NATD1: variants seen among roughly 807,000 people sequenced by gnomAD.
NATD1 encodes protein NATD1.
NATD1 carries 9 observed loss-of-function variants against 12.0 expected under a neutral mutation model. That is an observed-to-expected ratio of 0.75 (90% CI 0.45 to 1.30). NATD1 has a LOEUF of 1.30. NATD1 is among the 50% of genes most tolerant of loss of function. The pLI is 0.00. For synonymous variants in NATD1, 71 were observed against 65.9 expected, an observed-to-expected ratio of 1.08 and a Z score of -0.37; for missense variants, 148 against 148.5, an observed-to-expected ratio of 1.00 and a Z score of 0.02.
chr17:21,247,832 A>T (rs1397681985), intron 1 of NATD1, among the ~76,000 whole-genome samples: 1 of 152,232 alleles, frequency 6.6e-6, no homozygotes, highest in Non-Finnish European at 1.5e-5. Context: ...CAGGATCCAC[A>T]GTGCCCAGAA....
rs538344844 is a variant in NATD1, at chr17:21,248,259, A to T, written c.107-4035T>A. ...CCATGACACAGGCCACAAATGCAAT[A>T]CCGGTCCTCACGCTCAACTCCTTGT... On this transcript the variant is annotated intron_variant, in intron 1 of 2. Transcript: ENST00000611551. Among the ~76,000 whole-genome samples the T allele has an allele frequency of 6.6e-5, 10 of 152,248 alleles. No homozygotes were observed. The South Asian group carries it at 2.1e-3, about 32-fold the overall frequency.
Position 21,239,435 on chromosome 17 carries a change from T to G in NATD1, c.*3878A>C, listed in dbSNP as rs1197622011. 1 of 150,920 alleles carries G rather than the reference T, an allele frequency of 6.6e-6. No homozygotes were observed. The highest frequency in any genetic ancestry group is 1.5e-5 in the Non-Finnish European group (1 of 68,006). The allele number at this position is 150,920 out of a possible 1,614,324, so 9.3% of individuals were successfully genotyped here. On this transcript the variant is annotated 3_prime_UTR_variant, in exon 3 of 3. Transcript: ENST00000611551. ...GACCCCCGACTCAGCCTCAGTATCA[T>G]CTATCAAATAGGCCTAATAATGGGC...
Position 21,243,188 on chromosome 17 carries a change from G to C in NATD1, c.*125C>G, listed in dbSNP as rs1381733301. Reference sequence around the variant, plus strand: ...AGGGATCTGGACGTGGGGCACAGATGAGTGTCCTTACAAAAATAACTCTGA... The same window carrying C: ...AGGGATCTGGACGTGGGGCACAGATCAGTGTCCTTACAAAAATAACTCTGA... On this transcript the variant is annotated 3_prime_UTR_variant, in exon 3 of 3. Transcript: ENST00000611551. The C allele has an allele frequency of 1.4e-6, 1 of 701,546 alleles. No individual in the cohort carries two copies. Among genetic ancestry groups the C allele is most frequent in the Non-Finnish European group, 2.4e-6 (1 of 420,782 alleles). The allele number at this position is 701,546 out of a possible 1,614,324, so 43.5% of individuals were successfully genotyped here.
rs1411359199 is a variant in NATD1, at chr17:21,244,976, AG to A, written c.107-753del. ...ATCCACCAAATGTTTCCTGAGCCCC[AG>A]GTACTGTTTCAGATGCTGGGAGTAT... On this transcript the variant is annotated intron_variant, in intron 1 of 2. Transcript: ENST00000611551. The surrounding 1 kb of genome is among the most constrained non-coding windows in gnomAD (Gnocchi z 5.2). Among the ~76,000 whole-genome samples, 2 of 152,190 alleles carry A rather than the reference AG, an allele frequency of 1.3e-5. No individual in the cohort carries two copies. Among genetic ancestry groups the A allele is most frequent in the African/African-American group, 4.8e-5 (2 of 41,452 alleles).
chr17:21,250,976 T>C (rs1444856540), intron 1 of NATD1, among the ~76,000 whole-genome samples: 1 of 152,114 alleles, frequency 6.6e-6, no homozygotes, highest in East Asian at 1.9e-4. Context: ...CCTCCTCAGC[T>C]CAGGGAGGCC....
In NATD1 at chr17:21,244,347, C is replaced by G; in HGVS notation, c.107-123G>C. 1.4e-6 allele frequency: 1 copy of G among 701,880 alleles called. No individual in the cohort carries two copies. 43.5% of individuals were successfully genotyped at this position (701,880 alleles called of 1,614,324 possible). On this transcript the variant is annotated intron_variant, in intron 1 of 2. Transcript: ENST00000611551. This position sits in a 1 kb window ranked among gnomAD's most constrained non-coding sequence, Gnocchi z 5.2. ...CTGCTACAGCTGAATCCTGAATAAC[C>G]TCTCAGTGCCTCAGTCTCCTCATCC... is the stretch of plus-strand genomic sequence containing the variant.
chr17:21,251,827 C>A (rs1975379419), intron 1 of NATD1, among the ~76,000 whole-genome samples: 1 of 152,254 alleles, frequency 6.6e-6, no homozygotes. Context: ...AGCCTGACCT[C>A]TCGCAAGCCT....
Position 21,244,045 on chromosome 17 carries a change from A to AGCGAAGGTGGCAGCCCCCATGTCCCCGTC in NATD1, c.225+32_225+60dup, listed in dbSNP as rs1975303356. 6.9e-7 allele frequency: 1 copy of AGCGAAGGTGGCAGCCCCCATGTCCCCGTC among 1,458,234 alleles called. No homozygotes were observed. Among genetic ancestry groups the AGCGAAGGTGGCAGCCCCCATGTCCCCGTC allele is most frequent in the African/African-American group, 1.4e-5 (1 of 71,584 alleles). 90.3% of individuals were successfully genotyped at this position (1,458,234 alleles called of 1,614,324 possible). A position where few individuals can be genotyped will look rare whatever the true frequency, so the allele number is the denominator to read the frequency against. On this transcript the variant is annotated intron_variant, in intron 2 of 2. Coordinates refer to ENST00000611551, the MANE Select transcript of NATD1 (RefSeq NM_152914.3). This position sits in a 1 kb window ranked among gnomAD's most constrained non-coding sequence, Gnocchi z 5.2. ...GCCACCAGGGCCACCGTCTCCTCGGAGCGAAGGTGGCAGCCCCCATGTCCC... is the reference window on the plus strand; with the variant it reads ...GCCACCAGGGCCACCGTCTCCTCGGAGCGAAGGTGGCAGCCCCCATGTCCCCGTCGCGAAGGTGGCAGCCCCCATGTCCC...
Position 21,243,471 on chromosome 17 carries a change from C to G in NATD1, c.226-42G>C, listed in dbSNP as rs763747380. The stretch of plus-strand genomic sequence containing the variant: ...GAGGAGAGTGGTCAGGGCCTGCAGC[C>G]GGCACCAGAAGGTAGCATTGTCTGC... On this transcript the variant is annotated intron_variant, in intron 2 of 2. Transcript: ENST00000611551. 3.3e-6 allele frequency: 5 copies of G among 1,521,572 alleles called. No homozygotes were observed. The East Asian group carries it at 1.1e-4, about 34-fold the overall frequency. The allele number at this position is 1,521,572 out of a possible 1,614,324, so 94.3% of individuals were successfully genotyped here. A position where few individuals can be genotyped will look rare whatever the true frequency, so the allele number is the denominator to read the frequency against.
chr17:21,244,094 T>C lies in NATD1; in HGVS notation c.225+12A>G. On this transcript the variant is annotated intron_variant, in intron 2 of 2. Transcript: ENST00000611551. The surrounding 1 kb of genome is among the most constrained non-coding windows in gnomAD (Gnocchi z 5.2). ...CCCGTCCCCGCTTGGCCCTGCCACC[T>C]GCCTGCCCTACCTTGGCAAGGTGCT... 1 of 1,605,228 alleles carries C rather than the reference T, an allele frequency of 6.2e-7. No individual in the cohort carries two copies. Among genetic ancestry groups the C allele is most frequent in the Non-Finnish European group, 8.5e-7 (1 of 1,175,426 alleles).
chr17:21,245,055 G>C (rs752565853), intron 1 of NATD1, among the ~76,000 whole-genome samples: 1 of 152,196 alleles, frequency 6.6e-6, no homozygotes, highest in Non-Finnish European at 1.5e-5. Flanking sequence ...CGGAAGGGGA[G>C]AAAGAGAATA....
intron 1 of NATD1, among the ~76,000 whole-genome samples, chr17:21,249,522 G>A (rs1975357066): frequency 6.6e-6 from 1 of 152,198 alleles, no homozygotes; most frequent in Admixed American, 6.5e-5. Flanking sequence ...CAAAGCCTGG[G>A]GCTGTGATCT....
chr17:21,244,331 C>A lies in NATD1; in HGVS notation c.107-107G>T. The A allele has an allele frequency of 1.2e-6, 1 of 829,930 alleles. No individual in the cohort carries two copies. Among genetic ancestry groups the A allele is most frequent in the Non-Finnish European group, 1.9e-6 (1 of 532,580 alleles). 51.4% of individuals were successfully genotyped at this position (829,930 alleles called of 1,614,324 possible). ...ATTTGGAGTCATTCAGCTGCTACAG[C>A]TGAATCCTGAATAACCTCTCAGTGC... On this transcript the variant is annotated intron_variant, in intron 1 of 2. Coordinates refer to ENST00000611551, the MANE Select transcript of NATD1 (RefSeq NM_152914.3). The surrounding 1 kb of genome is among the most constrained non-coding windows in gnomAD (Gnocchi z 5.2).
chr17:21,251,308 A>AC (rs1188198542), intron 1 of NATD1, among the ~76,000 whole-genome samples: 7 of 151,882 alleles, frequency 4.6e-5, no homozygotes, highest in African/African-American at 7.3e-5. Context: ...AAAAAAAAAA[A>AC]AAACAAACGT....
chr17:21,250,927 C>A (rs965173558), intron 1 of NATD1, among the ~76,000 whole-genome samples: 8 of 152,224 alleles, frequency 5.3e-5, no homozygotes, highest in African/African-American at 1.4e-4. Flanking sequence ...AGCCTCCAGG[C>A]TTGCCTTACA....
At chr17:21,248,848 G>C (rs1052252625) in intron 1 of NATD1, among the ~76,000 whole-genome samples, 2 of 152,144 alleles carry the variant, frequency 1.3e-5, no homozygotes, top group Admixed American at 6.5e-5. Context: ...GTGATCTTAT[G>C]CCAGTCCTGA....
rs1419140283 is a variant in NATD1 at position 21,240,732 on chromosome 17, G to C, written c.*2581C>G. 1.3e-5 allele frequency: 2 copies of C among 152,312 alleles called. No homozygotes were observed. Among genetic ancestry groups the C allele is most frequent in the African/African-American group, 4.9e-5 (2 of 40,978 alleles). 9.4% of individuals were successfully genotyped at this position (152,312 alleles called of 1,614,324 possible). ...GCCCAGGTGCATAAACCGGCCCCAT[G>C]TGGCGGCATCCTTACCAAGGACCCC... On this transcript the variant is annotated 3_prime_UTR_variant, in exon 3 of 3. Transcript: ENST00000611551.
chr17:21,238,922 C>A lies in NATD1; in HGVS notation c.*4391G>T, dbSNP rs1021487742. ...ATATCTTGTAGCCGTAAGACTGATACAACTGAAAACATAACCCTAAATTTG... is the reference window on the plus strand; with the variant it reads ...ATATCTTGTAGCCGTAAGACTGATAAAACTGAAAACATAACCCTAAATTTG... On this transcript the variant is annotated 3_prime_UTR_variant, in exon 3 of 3. Coordinates refer to ENST00000611551, the MANE Select transcript of NATD1 (RefSeq NM_152914.3). 2.6e-5 allele frequency: 4 copies of A among 152,102 alleles called. No individual in the cohort carries two copies. Among genetic ancestry groups the A allele is most frequent in the East Asian group, 1.9e-4 (1 of 5,190 alleles). The allele number at this position is 152,102 out of a possible 1,614,324, so 9.4% of individuals were successfully genotyped here.
At position 21,241,230 on chromosome 17, in the gene NATD1, ACT is replaced by A. The variant is rs1007437409; in HGVS notation, c.*2081_*2082del. The A allele has an allele frequency of 2.7e-5, 4 of 150,846 alleles. No homozygotes were observed. Among genetic ancestry groups the A allele is most frequent in the Non-Finnish European group, 4.4e-5 (3 of 67,710 alleles). The allele number at this position is 150,846 out of a possible 1,614,324, so 9.3% of individuals were successfully genotyped here. ...GGCCCTCAGGGGCTTCCTGTGGGGG[ACT>A]CTTTGTGCTGTCACTGCAAGGGACC... On this transcript the variant is annotated 3_prime_UTR_variant, in exon 3 of 3. Coordinates refer to ENST00000611551, the MANE Select transcript of NATD1 (RefSeq NM_152914.3).
Sources: allele counts gnomAD v4.1 joint callset (sites outside exome capture counted in the v4.1 genomes callset), GRCh38; gene constraint gnomAD v4.1.1; non-coding constraint Gnocchi (gnomAD v3.1); transcripts MANE v1.5; gene names NCBI Gene and HGNC (gene_info 2026-07-23, HGNC 2026-07-21).